Variants in SRPK1 observed in about 807,000 individuals in gnomAD.
SRPK1 encodes the protein SFRS protein kinase 1.
In SRPK1, 52 loss-of-function variants were observed where a neutral mutation model predicts 89.5. That is an observed-to-expected ratio of 0.58 (90% CI 0.46 to 0.73). The LOEUF (loss-of-function observed/expected upper bound fraction) is 0.73. Among genes scored for constraint, SRPK1 ranks in the 30% least tolerant of loss-of-function variants. SRPK1 has a pLI of 0.00. For missense variants in SRPK1, 603 were observed against 780.6 expected (o/e 0.77, Z 2.71); for synonymous variants, 255 against 270.2 (o/e 0.94, Z 0.55).
intron 2 of SRPK1, among the ~76,000 whole-genome samples, chr6:35,893,059 G>A (rs1770554170): frequency 6.6e-6 from 1 of 152,128 alleles, no homozygotes; most frequent in South Asian, 2.1e-4. Flanking sequence ...ATGTCTTTGG[G>A]AAATTTATTT....
At chr6:35,901,617 G>A (rs1166234882) in intron 2 of SRPK1, among the ~76,000 whole-genome samples, 1 of 152,164 alleles carries the variant, frequency 6.6e-6, no homozygotes, top group Non-Finnish European at 1.5e-5. Context: ...TCTCTTGAAG[G>A]AAAGGACTGT....
chr6:35,848,788 A>T (rs1016367696), intron 13 of SRPK1, among the ~76,000 whole-genome samples: 1 of 152,186 alleles, frequency 6.6e-6, no homozygotes, highest in African/African-American at 2.4e-5. Flanking sequence ...GTGTTGGAAA[A>T]ACTGGATATA....
intron 13 of SRPK1, among the ~76,000 whole-genome samples, chr6:35,843,509 G>A (rs1000708721): frequency 1.3e-5 from 2 of 151,806 alleles, no homozygotes; most frequent in Non-Finnish European, 2.9e-5. Context: ...GGAGTGCACT[G>A]GCATGATCTC....
At chr6:35,919,854 GTT>G (rs1335065755) in intron 2 of SRPK1, among the ~76,000 whole-genome samples, 1 of 152,176 alleles carries the variant, frequency 6.6e-6, no homozygotes, top group African/African-American at 2.4e-5. Context: ...TCTGGTTGAG[GTT>G]TAGACAGAAG....
At position 35,868,994 on chromosome 6, in the gene SRPK1, G is replaced by A. The variant is rs776837708; in HGVS notation, c.1512+16C>T. On this transcript the variant is annotated intron_variant, in intron 12 of 15. Coordinates refer to ENST00000373825, the MANE Select transcript of SRPK1 (RefSeq NM_003137.5). ...CCCAGTCACTTCAAAACACCATTAA[G>A]GCAAGTTTAACTTACCACCCAACAA... The A allele has an allele frequency of 6.2e-7, 1 of 1,607,482 alleles. No individual in the cohort carries two copies. The highest frequency in any genetic ancestry group is 1.1e-5 in the South Asian group (1 of 90,460).
chr6:35,887,146 C>T (rs926168930), intron 5 of SRPK1, among the ~76,000 whole-genome samples: 3 of 152,160 alleles, frequency 2.0e-5, no homozygotes, highest in African/African-American at 7.2e-5. Flanking sequence ...ACTAACCACA[C>T]TGTTTTTTTC....
At chr6:35,838,943 G>A in intron 14 of SRPK1, 2 of 858,298 alleles carry the variant, frequency 2.3e-6, no homozygotes, top group South Asian at 1.7e-5. Flanking sequence ...GGAAGGCCAA[G>A]AATTATTTCA....
At chr6:35,920,586 G>A (rs1771213282) in intron 1 of SRPK1, 58 bp from the exon 2 acceptor site, 1 of 1,565,918 alleles carries the variant, frequency 6.4e-7, no homozygotes, top group African/African-American at 1.4e-5. Context: ...CGACCAAGGT[G>A]AGGGTGGAGA....
chr6:35,905,667 ATCT>A (rs1770833897), intron 2 of SRPK1, among the ~76,000 whole-genome samples: 1 of 152,192 alleles, frequency 6.6e-6, no homozygotes, highest in South Asian at 2.1e-4. Flanking sequence ...AAAAATTGTG[ATCT>A]TCTTTAGTAA....
intron 2 of SRPK1, among the ~76,000 whole-genome samples, chr6:35,905,794 G>A (rs895780253): frequency 6.6e-6 from 1 of 152,194 alleles, no homozygotes; most frequent in Non-Finnish European, 1.5e-5. Flanking sequence ...TTCAGCGTGG[G>A]AGAAAGAAGA....
chr6:35,882,970 C>T (rs958162679), intron 6 of SRPK1, among the ~76,000 whole-genome samples: 7 of 152,028 alleles, frequency 4.6e-5, no homozygotes, highest in East Asian at 1.9e-4. Flanking sequence ...CACCACGCCT[C>T]GCTAATTTTT....
chr6:35,915,993 T>TACAC (rs1258746791), intron 2 of SRPK1, among the ~76,000 whole-genome samples: 4 of 51,210 alleles, frequency 7.8e-5, no homozygotes, highest in Non-Finnish European at 1.1e-4. Context: ...AAAAAAAAAA[T>TACAC]ATATACACAC....
At chr6:35,868,663 T>C (rs781347082) in intron 12 of SRPK1, among the ~76,000 whole-genome samples, 3 of 152,046 alleles carry the variant, frequency 2.0e-5, no homozygotes, top group Admixed American at 6.6e-5. Flanking sequence ...ATTTTGAAAA[T>C]GGGAGTAGGG....
chr6:35,862,309 C>A (rs1014367553), intron 12 of SRPK1, among the ~76,000 whole-genome samples: 4 of 152,092 alleles, frequency 2.6e-5, no homozygotes, highest in Non-Finnish European at 4.4e-5. Flanking sequence ...CCATCAGGGT[C>A]CAAAGACTGG....
chr6:35,919,953 T>G (rs1283685588), intron 2 of SRPK1: 4 of 394,188 alleles, frequency 1.0e-5, no homozygotes, highest in South Asian at 7.6e-5. Flanking sequence ...GCTCAGGAAG[T>G]TGACTAACCC....
Position 35,874,273 on chromosome 6 carries a change from T to C in SRPK1, c.545A>G (p.Gln182Arg). ...LLKWIIKSNY[Q>R]GLPLPCVKKI... ...TTTGACACAAGGCAGTGGAAGCCCCTGATAATTGGATTTGATGATCCACTT... is the reference window on the plus strand; with the variant it reads ...TTTGACACAAGGCAGTGGAAGCCCCCGATAATTGGATTTGATGATCCACTT... The change falls in exon 7 of 16, where the codon CAG (glutamine) becomes CGG (arginine). Residue 182 changes from glutamine to arginine, a missense_variant. Physicochemically the swap from Gln to Arg is conservative, Grantham distance 43. Coordinates refer to ENST00000373825, the MANE Select transcript of SRPK1 (RefSeq NM_003137.5). 1.2e-6 allele frequency: 2 copies of C among 1,613,434 alleles called. No individual in the cohort carries two copies. The highest frequency in any genetic ancestry group is 1.1e-5 in the South Asian group (1 of 90,878).
chr6:35,865,127 A>G (rs1488034674), intron 12 of SRPK1, among the ~76,000 whole-genome samples: 1 of 152,198 alleles, frequency 6.6e-6, no homozygotes, highest in Non-Finnish European at 1.5e-5. Flanking sequence ...CTTTCATAGC[A>G]CAACAGGGTG....
chr6:35,860,979 G>A (rs1043820801), intron 12 of SRPK1, among the ~76,000 whole-genome samples: 2 of 152,114 alleles, frequency 1.3e-5, no homozygotes, highest in Admixed American at 1.3e-4. Flanking sequence ...GGTGGTGTGT[G>A]GGCCATGGTA....
At chr6:35,851,897 G>T (rs1282789418) in intron 13 of SRPK1, among the ~76,000 whole-genome samples, 1 of 152,134 alleles carries the variant, frequency 6.6e-6, no homozygotes, top group Non-Finnish European at 1.5e-5. Flanking sequence ...AACAATAAGG[G>T]CAAGGCACTG....
Sources: gnomAD v4.1 joint callset for allele counts (sites outside exome capture counted in the v4.1 genomes callset) on GRCh38, gnomAD v4.1.1 for gene constraint, MANE v1.5 for transcripts, NCBI Gene and HGNC (gene_info 2026-07-23, HGNC 2026-07-21) for gene names.